HEATR5A: variants seen among roughly 807,000 people sequenced by gnomAD.
HEATR5A encodes the protein HEAT repeat-containing protein 5A.
Under a neutral mutation model 218.8 loss-of-function variants are expected in HEATR5A, and 178 were observed. That is an observed-to-expected ratio of 0.81 (90% confidence interval 0.72 to 0.92). The LOEUF (loss-of-function observed/expected upper bound fraction) is 0.92, where lower values mean the gene tolerates loss of function less well. Ranked by LOEUF, HEATR5A falls within the 40% of genes least tolerant of loss-of-function variation. The pLI, the probability that HEATR5A is intolerant of heterozygous loss-of-function variation, is 0.00. For synonymous variants in HEATR5A, 864 were observed against 871.6 expected (o/e 0.99, Z 0.15); for missense variants, 2,420 against 2,418.9 (o/e 1.00, Z -0.01).
At chr14:31,336,217 CATATATATATATATATAT>C (rs3033610) in intron 22 of HEATR5A, among the ~76,000 whole-genome samples, 983 of 38,214 alleles carry the variant, frequency 0.026, 49 homozygotes, top group African/African-American at 0.051. Context: ...TACATACATA[CATATATATATATATATAT>C]ATATATATAT....
chr14:31,374,164 G>C (rs1401437605), intron 12 of HEATR5A, among the ~76,000 whole-genome samples: 3 of 151,816 alleles, frequency 2.0e-5, no homozygotes, highest in Non-Finnish European at 4.4e-5. Flanking sequence ...AAATTAGCTG[G>C]GCATGGTGGC....
Position 31,326,193 on chromosome 14 carries a change from G to A in HEATR5A, c.3517C>T (p.Leu1173Phe). Residue 1173 changes from leucine to phenylalanine, a missense_variant, in exon 23 of 36, where the codon CTT becomes TTT. Physicochemically the swap from Leu to Phe is conservative, Grantham distance 22. Transcript: ENST00000543095. ...GATGCAGCAAGTACATCTTTACAAA[G>A]CTTTAACCACAGGGAGAGTTTTTCC... ...AVEKLSLWLK[L>F]CKDVLAASAD... The A allele has an allele frequency of 6.2e-7, 1 of 1,613,132 alleles. No homozygotes were observed. The highest frequency in any genetic ancestry group is 8.5e-7 in the Non-Finnish European group (1 of 1,179,330).
At chr14:31,353,516 G>A (rs917992862) in intron 16 of HEATR5A, among the ~76,000 whole-genome samples, 2 of 151,988 alleles carry the variant, frequency 1.3e-5, no homozygotes, top group Admixed American at 6.6e-5. Flanking sequence ...CAGGAGGATC[G>A]CTTGAGCCCA....
intron 3 of HEATR5A, among the ~76,000 whole-genome samples, chr14:31,399,100 T>C (rs375557047): frequency 2.3e-4 from 35 of 152,206 alleles, no homozygotes; most frequent in African/African-American, 8.4e-4. Flanking sequence ...GAGTTAATTT[T>C]TTATACATGG....
At chr14:31,346,214 C>A (rs905934826) in intron 19 of HEATR5A, among the ~76,000 whole-genome samples, 1 of 152,116 alleles carries the variant, frequency 6.6e-6, no homozygotes, top group Non-Finnish European at 1.5e-5. Context: ...ATGACACTGA[C>A]AGCCACAGAA....
In HEATR5A at chr14:31,347,843, T is replaced by G. The variant is rs772573031; in HGVS notation, c.2773A>C (p.Arg925=). 2 of 1,596,226 alleles carry G rather than the reference T, an allele frequency of 1.3e-6. No homozygotes were observed. The highest frequency in any genetic ancestry group is 2.3e-5 in the South Asian group (2 of 87,932). The stretch of plus-strand genomic sequence containing the variant: ...GAAGAACTTATTCCTCCTAAATACC[T>G]ATGTAGGGACCCCAAGGCCAATGAG... ...GHSLALGSLH[R]YLGGISSSQH... is the part of the protein sequence containing the mutation. Residue 925 remains arginine (R), a synonymous_variant, in exon 19 of 36, where the codon AGG becomes CGG. Coordinates refer to ENST00000543095, the MANE Select transcript of HEATR5A (RefSeq NM_015473.4).
In HEATR5A at chr14:31,306,275, C is replaced by T. The variant is rs144655538; in HGVS notation, c.4966+457G>A. ...GGTGGATTGCCTGAGTCCAGGAGTT[C>T]GAGAGACCAGGCTGGGCAACATGGC... On this transcript the variant is annotated intron_variant, in intron 31 of 35. Coordinates refer to ENST00000543095, the MANE Select transcript of HEATR5A (RefSeq NM_015473.4). 1.8e-4 allele frequency among the ~76,000 whole-genome samples: 28 copies of T among 152,106 alleles called. No individual in the cohort carries two copies. The East Asian group carries it at 4.3e-3, about 23-fold the overall frequency.
intron 25 of HEATR5A, among the ~76,000 whole-genome samples, chr14:31,319,356 T>C (rs1900013743): frequency 6.6e-6 from 1 of 152,116 alleles, no homozygotes; most frequent in Admixed American, 6.6e-5. Flanking sequence ...TTTCACCATG[T>C]TGGCCAGGCT....
chr14:31,293,598 C>T lies in HEATR5A; in HGVS notation c.5848G>A (p.Ala1950Thr). ...GAAATGAGGATGGGCAAAAGACAGG[C>T]CACCAGCTGAGCGCCTAGAAAGTAA... The part of the protein sequence containing the change: ...AEEHHRAQLV[A>T]CLLPILISFL... The change falls in exon 36 of 36, where the codon GCC (alanine) becomes ACC (threonine). Residue 1950 changes from alanine to threonine, a missense_variant. Coordinates refer to ENST00000543095, the MANE Select transcript of HEATR5A (RefSeq NM_015473.4). The T allele has an allele frequency of 6.2e-7, 1 of 1,607,294 alleles. No individual in the cohort carries two copies. Among genetic ancestry groups the T allele is most frequent in the South Asian group, 1.1e-5 (1 of 89,764 alleles).
chr14:31,356,380 T>TAGCTG (rs1217824138), intron 16 of HEATR5A, among the ~76,000 whole-genome samples: 2 of 152,152 alleles, frequency 1.3e-5, no homozygotes, highest in Admixed American at 6.6e-5. Flanking sequence ...GGGACTACAG[T>TAGCTG]TGCACACCAC....
chr14:31,329,735 T>C (rs886719983), intron 22 of HEATR5A, among the ~76,000 whole-genome samples: 2 of 152,138 alleles, frequency 1.3e-5, no homozygotes, highest in African/African-American at 2.4e-5. Context: ...TTTTTTGAGA[T>C]GGAGTCTCGC....
chr14:31,380,572 T>C lies in HEATR5A; in HGVS notation c.1603A>G (p.Met535Val), dbSNP rs780035534. Reference protein sequence around the residue: ...GIPHGKGKIIMTLAEDLLCSA... With the variant: ...GIPHGKGKIIVTLAEDLLCSA... ...CACAGCAAATCCTCTGCTAATGTCA[T>C]AATAATCTATTTACATATAGAACAA... Residue 535 changes from methionine to valine, a missense_variant, in exon 11 of 36, where the codon ATG becomes GTG. By Grantham distance (21) the Met-to-Val change is conservative. Transcript: ENST00000543095. 3 of 1,583,040 alleles carry C rather than the reference T, an allele frequency of 1.9e-6. No homozygotes were observed. The highest frequency in any genetic ancestry group is 1.2e-5 in the South Asian group (1 of 86,760).
At chr14:31,375,054 T>C in intron 11 of HEATR5A, 86 bp from the exon 12 acceptor site, 1 of 1,080,236 alleles carries the variant, frequency 9.3e-7, no homozygotes, top group Non-Finnish European at 1.3e-6. Flanking sequence ...ACTTCTCTCC[T>C]AAACATTTTA....
intron 32 of HEATR5A, among the ~76,000 whole-genome samples, chr14:31,303,472 A>G (rs1449968065): frequency 2.6e-5 from 4 of 152,132 alleles, no homozygotes; most frequent in African/African-American, 9.7e-5. Flanking sequence ...CACCTTTAGC[A>G]GAAATATGTT....
chr14:31,410,994 T>C (rs915612925), intron 1 of HEATR5A, among the ~76,000 whole-genome samples: 4 of 152,184 alleles, frequency 2.6e-5, no homozygotes, highest in East Asian at 1.9e-4. Flanking sequence ...TTAAGCTCAA[T>C]AGGAAATAAT....
At chr14:31,353,320 T>C (rs953819569) in intron 16 of HEATR5A, among the ~76,000 whole-genome samples, 3 of 152,238 alleles carry the variant, frequency 2.0e-5, no homozygotes, top group Non-Finnish European at 4.4e-5. Flanking sequence ...TTTACTATAA[T>C]AGTATTACTG....
chr14:31,383,438 T>A (rs566521828), intron 10 of HEATR5A, 83 bp downstream of exon 10: 3 of 1,333,670 alleles, frequency 2.2e-6, no homozygotes, highest in African/African-American at 1.5e-5. Context: ...AAATAAAGCA[T>A]TCAGTAACAA....
intron 22 of HEATR5A, chr14:31,334,537 CTA>C (rs1407477728): frequency 1.8e-5 from 8 of 432,806 alleles, no homozygotes; most frequent in Non-Finnish European, 2.8e-5. Context: ...AGAACTGATT[CTA>C]GTTTTCAAAG....
intron 1 of HEATR5A, among the ~76,000 whole-genome samples, chr14:31,412,618 A>G (rs929773226): frequency 6.6e-6 from 1 of 152,126 alleles, no homozygotes; most frequent in Non-Finnish European, 1.5e-5. Context: ...GGCCAGGTGC[A>G]GTGGCTCACG....
Sources: allele counts gnomAD v4.1 joint callset (sites outside exome capture counted in the v4.1 genomes callset), GRCh38; gene constraint gnomAD v4.1.1; transcripts MANE v1.5; gene names NCBI Gene and HGNC (gene_info 2026-07-23, HGNC 2026-07-21).